Variants in C20orf203 observed in about 807,000 individuals in gnomAD.
C20orf203 encodes the protein uncharacterized protein C20orf203.
C20orf203 carries 16 observed loss-of-function variants against 15.9 expected under a neutral mutation model. That is an observed-to-expected ratio of 1.01 (90% confidence interval 0.68 to 1.53). The LOEUF (loss-of-function observed/expected upper bound fraction) is 1.53. Among genes scored for constraint, C20orf203 ranks in the 40% most tolerant of loss-of-function variants. C20orf203 has a pLI of 0.00. For missense variants in C20orf203, 263 were observed against 247.5 expected, an observed-to-expected ratio of 1.06 and a Z score of -0.42; for synonymous variants, 98 against 97.2, an observed-to-expected ratio of 1.01 and a Z score of -0.05.
rs59581416 is a variant in C20orf203 at position 32,632,583 on chromosome 20, A to C, written c.*2987T>G. 7.4e-4 allele frequency: 113 copies of C among 152,224 alleles called. No homozygotes were observed. The highest frequency in any genetic ancestry group is 2.7e-3 in the African/African-American group (111 of 41,558). The allele number at this position is 152,224 out of a possible 1,614,324, so 9.4% of individuals were successfully genotyped here. Reference sequence around the variant, plus strand: ...TGCGCTGTATCTGGCCTTTTTCACAAAAAAAACATGTATCTCAGAGCTTCT... The same window carrying C: ...TGCGCTGTATCTGGCCTTTTTCACACAAAAAACATGTATCTCAGAGCTTCT... On this transcript the variant is annotated 3_prime_UTR_variant, in exon 6 of 6. Coordinates refer to ENST00000608990, the MANE Select transcript of C20orf203 (RefSeq NM_182584.4).
At chr20:32,669,223 C>A (rs1184371736) in intron 1 of C20orf203, among the ~76,000 whole-genome samples, 1 of 152,200 alleles carries the variant, frequency 6.6e-6, no homozygotes, top group Non-Finnish European at 1.5e-5. Context: ...GTGTGCTGAA[C>A]TTGTGTTAAC....
chr20:32,633,919 C>T lies in C20orf203; in HGVS notation c.*1651G>A, dbSNP rs369520474. The T allele has an allele frequency of 1.7e-4, 66 of 398,056 alleles. No homozygotes were observed. The highest frequency in any genetic ancestry group is 1.2e-3 in the African/African-American group (59 of 48,760). The allele number at this position is 398,056 out of a possible 1,614,324, so 24.7% of individuals were successfully genotyped here. On this transcript the variant is annotated 3_prime_UTR_variant, in exon 6 of 6. Transcript: ENST00000608990. ...CCACCCCGTCCGCCTGGACTGGATGCTTCTCCCGGATCCTGATGCCTGAGC... is the reference window on the plus strand; with the variant it reads ...CCACCCCGTCCGCCTGGACTGGATGTTTCTCCCGGATCCTGATGCCTGAGC...
chr20:32,657,226 A>G (rs549004871), intron 1 of C20orf203: 2 of 152,578 alleles, frequency 1.3e-5, no homozygotes, highest in African/African-American at 4.8e-5. Flanking sequence ...ATGGTGGCTC[A>G]CACCTGTAAT....
intron 1 of C20orf203, among the ~76,000 whole-genome samples, chr20:32,662,370 G>A (rs772143668): frequency 1.3e-5 from 2 of 152,098 alleles, no homozygotes; most frequent in South Asian, 2.1e-4. Flanking sequence ...AGGTCAAGGG[G>A]GCAGGCAGAT....
At chr20:32,664,822 C>G (rs1310017053) in intron 1 of C20orf203, among the ~76,000 whole-genome samples, 1 of 152,274 alleles carries the variant, frequency 6.6e-6, no homozygotes. Flanking sequence ...CATCCCCACA[C>G]TGTGCCCCAT....
intron 1 of C20orf203, among the ~76,000 whole-genome samples, chr20:32,655,770 G>A (rs1982739698): frequency 6.6e-6 from 1 of 152,160 alleles, no homozygotes; most frequent in African/African-American, 2.4e-5. Context: ...TCCAGCCTGG[G>A]TGACAGAGCA....
chr20:32,668,565 G>C (rs1433056110), intron 1 of C20orf203, among the ~76,000 whole-genome samples: 2 of 151,936 alleles, frequency 1.3e-5, no homozygotes, highest in East Asian at 1.9e-4. Context: ...GGTGGAGGTT[G>C]CAGTGAGCCG....
intron 4 of C20orf203, among the ~76,000 whole-genome samples, chr20:32,648,913 A>G (rs1982523551): frequency 6.6e-6 from 1 of 152,182 alleles, no homozygotes; most frequent in South Asian, 2.1e-4. Context: ...ACATTGGTAC[A>G]TTACACTGAT....
chr20:32,633,521 C>T lies in C20orf203; in HGVS notation c.*2049G>A, dbSNP rs1982056748. 1 of 152,304 alleles carries T rather than the reference C, an allele frequency of 6.6e-6. No homozygotes were observed. Among genetic ancestry groups the T allele is most frequent in the South Asian group, 2.1e-4 (1 of 4,828 alleles). The allele number at this position is 152,304 out of a possible 1,614,324, so 9.4% of individuals were successfully genotyped here. On this transcript the variant is annotated 3_prime_UTR_variant, in exon 6 of 6. Coordinates refer to ENST00000608990, the MANE Select transcript of C20orf203 (RefSeq NM_182584.4). ...GCTGTGTGACCACTGTGGTCAGCTC[C>T]TTCTCAGCCTCCTGTCCTGGGCCCA...
chr20:32,672,824 C>T (rs1308817814), intron 1 of C20orf203, among the ~76,000 whole-genome samples: 3 of 152,172 alleles, frequency 2.0e-5, no homozygotes, highest in Non-Finnish European at 4.4e-5. Flanking sequence ...TGCCACCTGG[C>T]CCTGCTGTCT....
chr20:32,660,128 C>T (rs540647550), intron 1 of C20orf203, among the ~76,000 whole-genome samples: 24 of 152,284 alleles, frequency 1.6e-4, no homozygotes, highest in Middle Eastern at 6.8e-3. Flanking sequence ...GGCACAGTTG[C>T]TACTCCTGTC....
chr20:32,658,165 C>T (rs1874686082), intron 1 of C20orf203, among the ~76,000 whole-genome samples: 1 of 152,024 alleles, frequency 6.6e-6, no homozygotes, highest in Admixed American at 6.6e-5. Flanking sequence ...GGTGAAACCC[C>T]AACTCTACCA....
Position 32,654,726 on chromosome 20 carries a change from C to T in C20orf203, c.-263-2745G>A, listed in dbSNP as rs373805211. On this transcript the variant is annotated intron_variant, in intron 1 of 5. Transcript: ENST00000608990. ...GGGTGTGGTGGCATGTGCCTGTAGT[C>T]CCAGCTACTCAGGAGGCTGAGGTGG... Among the ~76,000 whole-genome samples, 7 of 152,220 alleles carry T rather than the reference C, an allele frequency of 4.6e-5. No homozygotes were observed. The East Asian group carries it at 5.8e-4, about 13-fold the overall frequency.
At chr20:32,660,532 G>A (rs1053877393) in intron 1 of C20orf203, among the ~76,000 whole-genome samples, 8 of 152,288 alleles carry the variant, frequency 5.3e-5, no homozygotes, top group African/African-American at 1.7e-4. Context: ...ACTGTGCTAG[G>A]CCATCAGCAC....
intron 5 of C20orf203, among the ~76,000 whole-genome samples, chr20:32,636,308 GC>G (rs1285126045): frequency 1.3e-5 from 2 of 152,176 alleles, no homozygotes; most frequent in Non-Finnish European, 2.9e-5. Context: ...GCCACAATTT[GC>G]TTTTTCTCTC....
At chr20:32,651,236 A>C (rs1377525960) in intron 2 of C20orf203, 70 bp from the exon 3 acceptor site, 2 of 455,026 alleles carry the variant, frequency 4.4e-6, no homozygotes, top group African/African-American at 2.0e-5. Flanking sequence ...TCAGCTACTC[A>C]TGGGGTAGCT....
At chr20:32,635,119 G>T (rs1982101177) in intron 5 of C20orf203, among the ~76,000 whole-genome samples, 1 of 151,092 alleles carries the variant, frequency 6.6e-6, no homozygotes, top group Non-Finnish European at 1.5e-5. Context: ...AGAATCACCT[G>T]GGAGGCGGAG....
At chr20:32,666,741 T>C (rs1208733352) in intron 1 of C20orf203, among the ~76,000 whole-genome samples, 7 of 128,556 alleles carry the variant, frequency 5.4e-5, no homozygotes, top group Admixed American at 2.6e-4. Context: ...CCAGCCTGGG[T>C]GACAGAGCAA....
intron 1 of C20orf203, chr20:32,656,646 G>A (rs954001025): frequency 2.0e-5 from 3 of 152,098 alleles, no homozygotes; most frequent in African/African-American, 7.2e-5. Context: ...TGGATTTTCG[G>A]AGTTCAGCAG....
Sources: allele counts gnomAD v4.1 joint callset (sites outside exome capture counted in the v4.1 genomes callset), GRCh38; gene constraint gnomAD v4.1.1; transcripts MANE v1.5; gene names NCBI Gene and HGNC (gene_info 2026-07-23, HGNC 2026-07-21).